Variants in LRRTM4 observed in about 807,000 individuals in gnomAD.
LRRTM4 encodes leucine rich repeat transmembrane neuronal 4.
A neutral mutation model predicts 47.6 loss-of-function variants in LRRTM4; 25 were observed. The ratio of observed to expected loss-of-function variants is 0.53; its 90% CI spans 0.38 to 0.73. The LOEUF (loss-of-function observed/expected upper bound fraction) is 0.73, where lower values mean the gene tolerates loss of function less well. Among genes scored for constraint, LRRTM4 ranks in the 30% least tolerant of loss-of-function variants. The pLI is 0.00. For synonymous variants in LRRTM4, 311 were observed against 269.5 expected (o/e 1.15, Z -1.51); for missense variants, 638 against 713.4 (o/e 0.89, Z 1.20).
At chr2:77,378,512 T>C (rs542215172) in intron 3 of LRRTM4, among the ~76,000 whole-genome samples, 2 of 152,286 alleles carry the variant, frequency 1.3e-5, no homozygotes, top group African/African-American at 4.8e-5. Flanking sequence ...ACACATTATA[T>C]GTATTTTCAA....
At position 77,172,229 on chromosome 2, in the gene LRRTM4, T is replaced by G. The variant is rs944536344; in HGVS notation, c.1551+346089A>C. On this transcript the variant is annotated intron_variant, in intron 3 of 3. Transcript: ENST00000409884. ...AGAATAGAGTACTATTGATGAAATG[T>G]TGGGAATACATATTCACCACAATGT... 2.0e-5 allele frequency among the ~76,000 whole-genome samples: 3 copies of G among 152,196 alleles called. 1 individual carries two copies. Among genetic ancestry groups the G allele is most frequent in the Admixed American group, 2.0e-4 (3 of 15,274 alleles).
At chr2:76,764,117 A>G (rs552781101) in intron 3 of LRRTM4, among the ~76,000 whole-genome samples, 11 of 152,342 alleles carry the variant, frequency 7.2e-5, no homozygotes, top group African/African-American at 2.6e-4. Context: ...TAAGCAAAAT[A>G]TTGCAAGTGA....
chr2:77,468,605 G>A (rs1174898076), intron 3 of LRRTM4, among the ~76,000 whole-genome samples: 2 of 152,136 alleles, frequency 1.3e-5, no homozygotes, highest in African/African-American at 2.4e-5. Context: ...CATGCAGCAC[G>A]GTGAATGCCA....
At chr2:76,861,491 C>G (rs1672311288) in intron 3 of LRRTM4, among the ~76,000 whole-genome samples, 1 of 152,076 alleles carries the variant, frequency 6.6e-6, no homozygotes, top group Non-Finnish European at 1.5e-5. Flanking sequence ...TTGCAGAGGT[C>G]TATTGTGAGC....
chr2:77,277,758 C>T (rs2104090399), intron 3 of LRRTM4, among the ~76,000 whole-genome samples: 1 of 151,978 alleles, frequency 6.6e-6, no homozygotes, highest in East Asian at 1.9e-4. Context: ...ACAAATGACT[C>T]ACACCATACA....
intron 3 of LRRTM4, among the ~76,000 whole-genome samples, chr2:77,048,158 A>T (rs1390689354): frequency 6.6e-6 from 1 of 152,072 alleles, no homozygotes; most frequent in Non-Finnish European, 1.5e-5. Context: ...ATGAAGCAGC[A>T]TGTGCTTCTG....
chr2:76,846,535 T>C (rs11887438), intron 3 of LRRTM4, among the ~76,000 whole-genome samples: 94,777 of 151,988 alleles, frequency 0.62, 30,543 homozygotes, highest in East Asian at 0.8. Flanking sequence ...ATCATCTAGC[T>C]ATCTATCTTT....
intron 3 of LRRTM4, among the ~76,000 whole-genome samples, chr2:77,212,788 C>T (rs1048374561): frequency 2.1e-4 from 32 of 152,062 alleles, no homozygotes; most frequent in Admixed American, 9.2e-4. Flanking sequence ...GGCAAATTTA[C>T]CTCTAATACA....
intron 3 of LRRTM4, among the ~76,000 whole-genome samples, chr2:77,330,533 T>C (rs1670934233): frequency 1.3e-5 from 2 of 152,268 alleles, no homozygotes; most frequent in South Asian, 4.1e-4. Flanking sequence ...TCCAAAACTA[T>C]ATTTACGAAG....
chr2:77,236,452 T>A (rs1348408626), intron 3 of LRRTM4, among the ~76,000 whole-genome samples: 1 of 150,354 alleles, frequency 6.7e-6, no homozygotes, highest in Non-Finnish European at 1.5e-5. Context: ...AGAATCATAT[T>A]TTTTTTTTGC....
At position 77,341,683 on chromosome 2, in the gene LRRTM4, C is replaced by T. The variant is rs566795835; in HGVS notation, c.1551+176635G>A. ...TGCCCTTGCAATTTAGGTTAAATGC[C>T]GAGAGACTTCTATGGTAAAATAATT... On this transcript the variant is annotated intron_variant, in intron 3 of 3. Coordinates refer to ENST00000409884, the MANE Select transcript of LRRTM4 (RefSeq NM_001134745.3). Among the ~76,000 whole-genome samples, 5 of 152,016 alleles carry T rather than the reference C, an allele frequency of 3.3e-5. No individual in the cohort carries two copies. In the East Asian group the frequency reaches 5.8e-4, roughly 18 times the overall value.
At chr2:77,171,895 A>T (rs567953083) in intron 3 of LRRTM4, among the ~76,000 whole-genome samples, 1 of 152,278 alleles carries the variant, frequency 6.6e-6, no homozygotes, top group Admixed American at 6.5e-5. Context: ...ACAGCAAATC[A>T]CAGGTTTGCA....
At chr2:77,302,164 A>G (rs1164278178) in intron 3 of LRRTM4, among the ~76,000 whole-genome samples, 1 of 152,194 alleles carries the variant, frequency 6.6e-6, no homozygotes, top group Non-Finnish European at 1.5e-5. Context: ...TCAGGGCAGT[A>G]AAATTTCCAT....
chr2:77,160,761 T>G (rs1251695889), intron 3 of LRRTM4, among the ~76,000 whole-genome samples: 2 of 152,178 alleles, frequency 1.3e-5, no homozygotes, highest in Non-Finnish European at 2.9e-5. Context: ...TCCTGGTGCT[T>G]GCTTTGAAAC....
At chr2:76,901,763 G>C (rs558775672) in intron 3 of LRRTM4, among the ~76,000 whole-genome samples, 12 of 152,152 alleles carry the variant, frequency 7.9e-5, no homozygotes, top group African/African-American at 2.7e-4. Context: ...TGGGGGTTCC[G>C]AGGTCACCAA....
chr2:76,829,272 C>G (rs1671268735), intron 3 of LRRTM4, among the ~76,000 whole-genome samples: 1 of 151,824 alleles, frequency 6.6e-6, no homozygotes, highest in South Asian at 2.1e-4. Context: ...GGTGTCCATA[C>G]ACATGTGTAT....
chr2:77,296,387 T>G (rs914717558), intron 3 of LRRTM4, among the ~76,000 whole-genome samples: 8 of 152,194 alleles, frequency 5.3e-5, no homozygotes, highest in Admixed American at 2.0e-4. Context: ...TCGATTTTTT[T>G]GGCCTATTTA....
chr2:76,929,282 C>T (rs189681638), intron 3 of LRRTM4, among the ~76,000 whole-genome samples: 3 of 152,196 alleles, frequency 2.0e-5, no homozygotes, highest in African/African-American at 2.4e-5. Flanking sequence ...CTAGATGTTT[C>T]GCAAACTAAC....
At position 77,474,999 on chromosome 2, in the gene LRRTM4, G is replaced by C. The variant is rs1573463523; in HGVS notation, c.1551+43319C>G. ...GTCCAAACTCCACTTCGTGAAGCAA[G>C]TTTAAAGTGGGAGAAAGAAGGAAGT... is the stretch of plus-strand genomic sequence containing the variant. On this transcript the variant is annotated intron_variant, in intron 3 of 3. Transcript: ENST00000409884. Among the ~76,000 whole-genome samples, 3 of 152,058 alleles carry C rather than the reference G, an allele frequency of 2.0e-5. No homozygotes were observed. The East Asian group carries it at 5.8e-4, about 29-fold the overall frequency.
Sources: allele counts gnomAD v4.1 joint callset (sites outside exome capture counted in the v4.1 genomes callset), GRCh38; gene constraint gnomAD v4.1.1; transcripts MANE v1.5; gene names NCBI Gene and HGNC (gene_info 2026-07-23, HGNC 2026-07-21).